EXOC4: variants seen among roughly 807,000 people sequenced by gnomAD.
EXOC4 encodes SEC8-like 1.
EXOC4 carries 71 observed loss-of-function variants against 107.2 expected under a neutral mutation model. The observed-to-expected ratio is 0.66, with a 90% CI of 0.55 to 0.81. The LOEUF is 0.81. Ranked by LOEUF, EXOC4 falls within the 30% of genes least tolerant of loss-of-function variation. The pLI, the probability that EXOC4 is intolerant of heterozygous loss-of-function variation, is 0.00. For missense variants in EXOC4, 1,108 were observed against 1,189.6 expected (o/e 0.93, Z 1.01); for synonymous variants, 456 against 441.2 (o/e 1.03, Z -0.42).
chr7:134,062,904 C>G (rs113332927), intron 17 of EXOC4, among the ~76,000 whole-genome samples: 505 of 152,358 alleles, frequency 3.3e-3, no homozygotes, highest in East Asian at 0.028. Context: ...TCTTCCTCCA[C>G]CAAAGGACAG....
intron 1 of EXOC4, chr7:133,253,579 G>A (rs1352987559): frequency 3.2e-6 from 3 of 932,426 alleles, no homozygotes; most frequent in Non-Finnish European, 2.6e-6. Context: ...CCTGGACTTT[G>A]GGGTGTAAGG....
chr7:133,698,574 C>CA (rs71892513), intron 10 of EXOC4, among the ~76,000 whole-genome samples: 49,879 of 143,390 alleles, frequency 0.35, 10,218 homozygotes, highest in Admixed American at 0.52. Flanking sequence ...AGAGTGGTGT[C>CA]AAAAAAAAAA....
chr7:133,412,430 G>T (rs1262836207), intron 7 of EXOC4, among the ~76,000 whole-genome samples: 3 of 151,680 alleles, frequency 2.0e-5, no homozygotes, highest in African/African-American at 7.3e-5. Context: ...CTTTATTTGG[G>T]ATAATGTCCA....
chr7:134,065,641 G>C lies in EXOC4; in HGVS notation c.*1113G>C, dbSNP rs1796164499. On this transcript the variant is annotated 3_prime_UTR_variant, in exon 18 of 18. Coordinates refer to ENST00000253861, the MANE Select transcript of EXOC4 (RefSeq NM_021807.4). ...GTGGAAAGGGAAAGGGGAGGAGATG[G>C]GACTTTGACCACACACAGTGATGCC... 6.6e-6 allele frequency: 1 copy of C among 152,382 alleles called. No individual in the cohort carries two copies. Among genetic ancestry groups the C allele is most frequent in the African/African-American group, 2.4e-5 (1 of 41,440 alleles). 9.4% of individuals were successfully genotyped at this position (152,382 alleles called of 1,614,324 possible).
rs183165359 is a variant in EXOC4, at chr7:133,306,078, G to T, written c.656+17G>T. ...GAAAATCAGGTTAAAGAGGCTCTTT[G>T]CTATAAGTGTCTTGTGGCAGTGTAG... On this transcript the variant is annotated intron_variant, in intron 4 of 17. Transcript: ENST00000253861. The T allele has an allele frequency of 1.6e-4, 252 of 1,595,146 alleles. No individual in the cohort carries two copies. Among genetic ancestry groups the T allele is most frequent in the Non-Finnish European group, 2.0e-4 (238 of 1,168,704 alleles).
chr7:133,926,324 A>G (rs764704825), intron 13 of EXOC4, among the ~76,000 whole-genome samples: 18 of 152,320 alleles, frequency 1.2e-4, no homozygotes, highest in Non-Finnish European at 2.4e-4. Context: ...AAAATGGATC[A>G]GGAATTTGTG....
chr7:134,071,803 C>A, the EXOC4 span, among the ~76,000 whole-genome samples: 2 of 152,158 alleles, frequency 1.3e-5, no homozygotes, highest in African/African-American at 4.8e-5. Flanking sequence ...CTAGATTTCT[C>A]TCACTGCTAC....
intron 3 of EXOC4, among the ~76,000 whole-genome samples, chr7:133,295,246 C>G (rs1289071525): frequency 1.3e-5 from 2 of 151,988 alleles, no homozygotes; most frequent in Non-Finnish European, 2.9e-5. Context: ...AAAAACCAGC[C>G]CACCTTTTTT....
intron 14 of EXOC4, among the ~76,000 whole-genome samples, chr7:133,978,625 GA>G (rs1793898527): frequency 6.6e-6 from 1 of 152,154 alleles, no homozygotes; most frequent in African/African-American, 2.4e-5. Flanking sequence ...CCGTTGGAAG[GA>G]TACAAAAAGC....
intron 1 of EXOC4, among the ~76,000 whole-genome samples, chr7:133,267,831 G>A (rs760671387): frequency 6.6e-6 from 1 of 152,166 alleles, no homozygotes; most frequent in Non-Finnish European, 1.5e-5. Context: ...GCTGGGAACT[G>A]TCCTCCATGA....
intron 7 of EXOC4, among the ~76,000 whole-genome samples, chr7:133,399,221 A>T (rs1797035173): frequency 6.6e-6 from 1 of 152,242 alleles, no homozygotes; most frequent in African/African-American, 2.4e-5. Context: ...AATTGCTGAG[A>T]TGGCTGCCAA....
intron 9 of EXOC4, among the ~76,000 whole-genome samples, chr7:133,524,013 C>T (rs1420098970): frequency 5.4e-5 from 8 of 149,282 alleles, no homozygotes; most frequent in Non-Finnish European, 7.4e-5. Context: ...CCTGAGGAAT[C>T]GCCACACCGA....
chr7:133,758,237 C>T (rs1422804997), intron 10 of EXOC4, among the ~76,000 whole-genome samples: 1 of 152,046 alleles, frequency 6.6e-6, no homozygotes, highest in Non-Finnish European at 1.5e-5. Flanking sequence ...ATCTGCCTCC[C>T]GAGTTCAAGC....
At chr7:133,587,141 C>A (rs1163590629) in intron 9 of EXOC4, among the ~76,000 whole-genome samples, 1 of 152,046 alleles carries the variant, frequency 6.6e-6, no homozygotes, top group Non-Finnish European at 1.5e-5. Context: ...GCCCTGATCC[C>A]ATTTTTATTG....
At chr7:133,969,810 C>T (rs556607673) in intron 14 of EXOC4, among the ~76,000 whole-genome samples, 22 of 152,310 alleles carry the variant, frequency 1.4e-4, no homozygotes, top group African/African-American at 1.9e-4. Flanking sequence ...TCAGGAGACA[C>T]GGGGGTCAGG....
intron 14 of EXOC4, among the ~76,000 whole-genome samples, chr7:133,969,680 C>T (rs1358365605): frequency 2.6e-5 from 4 of 152,224 alleles, no homozygotes; most frequent in Non-Finnish European, 5.9e-5. Flanking sequence ...TGCAGAACAG[C>T]AAAGATTGCT....
At chr7:133,370,883 C>T (rs1796360680) in intron 6 of EXOC4, among the ~76,000 whole-genome samples, 1 of 152,194 alleles carries the variant, frequency 6.6e-6, no homozygotes, top group South Asian at 2.1e-4. Context: ...TTGTGAGTCT[C>T]TTAGAACAGT....
At chr7:133,973,510 C>T (rs1793751121) in intron 14 of EXOC4, among the ~76,000 whole-genome samples, 1 of 152,114 alleles carries the variant, frequency 6.6e-6, no homozygotes, top group African/African-American at 2.4e-5. Context: ...AGTAGGGCTA[C>T]ATTGCAGGGC....
At chr7:133,949,901 A>G (rs1800650952) in intron 14 of EXOC4, among the ~76,000 whole-genome samples, 1 of 152,090 alleles carries the variant, frequency 6.6e-6, no homozygotes, top group Admixed American at 6.5e-5. Flanking sequence ...AACAATCACC[A>G]CTTAAAAGAT....
Sources: allele counts gnomAD v4.1 joint callset (sites outside exome capture counted in the v4.1 genomes callset), GRCh38; gene constraint gnomAD v4.1.1; transcripts MANE v1.5; gene names NCBI Gene and HGNC (gene_info 2026-07-23, HGNC 2026-07-21).